The following TENM3 variants were observed in gnomAD, a reference collection of about 807,000 sequenced individuals.
The protein encoded by TENM3 is teneurin-3.
TENM3 carries 63 observed loss-of-function variants against 255.1 expected under a neutral mutation model. The observed-to-expected ratio is 0.25, with a 90% CI of 0.20 to 0.30. The LOEUF (loss-of-function observed/expected upper bound fraction) is 0.30, where lower values mean the gene tolerates loss of function less well. Among genes scored for constraint, TENM3 ranks in the 10% least tolerant of loss-of-function variants. TENM3 has a pLI of 1.00. For missense variants in TENM3, 2,929 were observed against 3,461.1 expected, an observed-to-expected ratio of 0.85 and a Z score of 3.86; for synonymous variants, 1,306 against 1,322.3, an observed-to-expected ratio of 0.99 and a Z score of 0.27.
chr4:181,635,338 A>G, the TENM3 span, among the ~76,000 whole-genome samples: 1 of 152,234 alleles, frequency 6.6e-6, no homozygotes, highest in Non-Finnish European at 1.5e-5. Context: ...TGCTAATCAT[A>G]GCTAAACATG....
the TENM3 span, among the ~76,000 whole-genome samples, chr4:181,799,547 T>G: frequency 6.6e-6 from 1 of 152,238 alleles, no homozygotes; most frequent in East Asian, 1.9e-4. Context: ...TTTCTTACAA[T>G]TACTGTTATA....
intron 13 of TENM3, among the ~76,000 whole-genome samples, chr4:182,721,843 CTTTATA>C (rs1723979419): frequency 6.6e-6 from 1 of 152,004 alleles, no homozygotes; most frequent in East Asian, 1.9e-4. Context: ...GATTGATGAT[CTTTATA>C]TTTATTTCTT....
At chr4:181,748,711 G>A in the TENM3 span, among the ~76,000 whole-genome samples, 3 of 152,094 alleles carry the variant, frequency 2.0e-5, no homozygotes, top group Non-Finnish European at 4.4e-5. Flanking sequence ...CATCTATAAC[G>A]TTAACAGTCC....
At position 182,176,403 on chromosome 4, in the gene TENM3, A is replaced by T. The variant is rs192528284; in HGVS notation, c.-76+31649A>T. On this transcript the variant is annotated intron_variant, in intron 1 of 2. Coordinates refer to the TENM3 transcript ENST00000512480. ...AATGTTGCTTACCTCATAGATTTGT[A>T]ATGAGGCTTACAGAGTTTACATATG... Among the ~76,000 whole-genome samples the T allele has an allele frequency of 3.3e-5, 5 of 152,324 alleles. No homozygotes were observed. The East Asian group carries it at 7.7e-4, about 24-fold the overall frequency.
intron 22 of TENM3, among the ~76,000 whole-genome samples, chr4:182,765,164 G>A (rs1330033794): frequency 1.3e-5 from 2 of 152,096 alleles, no homozygotes; most frequent in Non-Finnish European, 2.9e-5. Flanking sequence ...GAACTTAGAG[G>A]ACAATTCCAA....
At chr4:181,711,300 A>G in the TENM3 span, among the ~76,000 whole-genome samples, 1 of 151,638 alleles carries the variant, frequency 6.6e-6, no homozygotes, top group Non-Finnish European at 1.5e-5. Flanking sequence ...AATAAATCAT[A>G]TATCAGTTTA....
chr4:181,493,144 G>A, the TENM3 span, among the ~76,000 whole-genome samples: 1 of 151,914 alleles, frequency 6.6e-6, no homozygotes, highest in Non-Finnish European at 1.5e-5. Flanking sequence ...AAACAGCCTA[G>A]ATGAGGCCAG....
the TENM3 span, among the ~76,000 whole-genome samples, chr4:182,115,110 G>C: frequency 6.6e-6 from 1 of 152,172 alleles, no homozygotes; most frequent in Non-Finnish European, 1.5e-5. Flanking sequence ...GAACCCAGGA[G>C]GCAGAGGTTA....
At chr4:182,692,647 A>G (rs1418143688) in intron 12 of TENM3, among the ~76,000 whole-genome samples, 1 of 152,244 alleles carries the variant, frequency 6.6e-6, no homozygotes, top group Non-Finnish European at 1.5e-5. Flanking sequence ...TGGGTTTACA[A>G]TGTATAAATG....
the TENM3 span, among the ~76,000 whole-genome samples, chr4:181,563,081 C>T: frequency 3.3e-5 from 5 of 152,202 alleles, no homozygotes; most frequent in Non-Finnish European, 5.9e-5. Context: ...TGGGTGCATT[C>T]GTTTGCTAGG....
intron 24 of TENM3, among the ~76,000 whole-genome samples, chr4:182,777,707 G>A (rs1214252960): frequency 1.2e-4 from 18 of 150,474 alleles, no homozygotes; most frequent in Non-Finnish European, 2.1e-4. Context: ...ACAGACACAC[G>A]CCACCATGCC....
At chr4:182,243,340 C>T, upstream of TENM3, 1 of 152,512 alleles carries the variant, frequency 6.6e-6, no homozygotes, top group Non-Finnish European at 1.5e-5. Context: ...GTCATGATTT[C>T]CTGACCTCAA....
chr4:181,655,460 A>G, the TENM3 span, among the ~76,000 whole-genome samples: 1 of 152,142 alleles, frequency 6.6e-6, no homozygotes, highest in Non-Finnish European at 1.5e-5. Flanking sequence ...ACCAGACATC[A>G]TGCAAGGCAA....
chr4:182,036,623 CTT>C, the TENM3 span, among the ~76,000 whole-genome samples: 1 of 152,172 alleles, frequency 6.6e-6, no homozygotes, highest in Non-Finnish European at 1.5e-5. Flanking sequence ...ATTACAAACA[CTT>C]TTCAAAGAAT....
the TENM3 span, among the ~76,000 whole-genome samples, chr4:181,478,480 C>G: frequency 6.6e-6 from 1 of 152,180 alleles, no homozygotes; most frequent in Non-Finnish European, 1.5e-5. Flanking sequence ...CAACAGGGAT[C>G]ACCATGAAAG....
the TENM3 span, among the ~76,000 whole-genome samples, chr4:181,634,325 G>A: frequency 1.3e-4 from 20 of 150,726 alleles, no homozygotes; most frequent in East Asian, 3.7e-3. Context: ...AAAAAATTCA[G>A]CCTCTCCAAC....
chr4:182,787,238 A>C (rs1428463309), intron 24 of TENM3, among the ~76,000 whole-genome samples: 1 of 152,172 alleles, frequency 6.6e-6, no homozygotes, highest in Non-Finnish European at 1.5e-5. Context: ...GACAGAGCCT[A>C]AGGGATCTAG....
chr4:182,060,133 A>T, the TENM3 span, among the ~76,000 whole-genome samples: 2 of 152,138 alleles, frequency 1.3e-5, no homozygotes, highest in Non-Finnish European at 2.9e-5. Context: ...GCTACTCAGG[A>T]AGCTGAGGTG....
the TENM3 span, among the ~76,000 whole-genome samples, chr4:181,639,675 G>A: frequency 1.3e-5 from 2 of 152,176 alleles, no homozygotes; most frequent in Non-Finnish European, 2.9e-5. Context: ...AGGAGGCAGA[G>A]GTTGCAGTGG....
Sources: gnomAD v4.1 joint callset for allele counts (sites outside exome capture counted in the v4.1 genomes callset) on GRCh38, gnomAD v4.1.1 for gene constraint, MANE v1.5 for transcripts, NCBI Gene and HGNC (gene_info 2026-07-23, HGNC 2026-07-21) for gene names.